The following STRAP variants were observed in gnomAD, a reference collection of about 807,000 sequenced individuals.
STRAP encodes serine/threonine kinase receptor associated protein.
A neutral mutation model predicts 47.0 loss-of-function variants in STRAP; 16 were observed. That is an observed-to-expected ratio of 0.34 (90% CI 0.23 to 0.52). The LOEUF (loss-of-function observed/expected upper bound fraction) is 0.52, where lower values mean the gene tolerates loss of function less well. Ranked by LOEUF, STRAP falls within the 20% of genes least tolerant of loss-of-function variation. The pLI, the probability that STRAP is intolerant of heterozygous loss-of-function variation, is 0.96. For synonymous variants in STRAP, 130 were observed against 142.7 expected, an observed-to-expected ratio of 0.91 and a Z score of 0.63; for missense variants, 293 against 420.0, an observed-to-expected ratio of 0.70 and a Z score of 2.64.
chr12:15,893,407 TAATA>T (rs1444436434), intron 4 of STRAP, among the ~76,000 whole-genome samples: 3 of 147,676 alleles, frequency 2.0e-5, no homozygotes, highest in Non-Finnish European at 4.5e-5. Context: ...ATTAATAATA[TAATA>T]AATACTTTTT....
intron 8 of STRAP, among the ~76,000 whole-genome samples, 200 bp from the exon 9 acceptor site, chr12:15,900,747 G>T (rs1408570955): frequency 6.6e-6 from 1 of 152,136 alleles, no homozygotes; most frequent in Admixed American, 6.5e-5. Context: ...TCCCTAAGTA[G>T]TTGCAGTATG....
In STRAP at chr12:15,890,736, T is replaced by G; in HGVS notation, c.403+67T>G. ...TTAATTTAAATAACTGATTAAAGAATTTCATGCTCAGTACTCAAATTTGGA... is the reference window on the plus strand; with the variant it reads ...TTAATTTAAATAACTGATTAAAGAAGTTCATGCTCAGTACTCAAATTTGGA... On this transcript the variant is annotated intron_variant, in intron 4 of 9. Coordinates refer to ENST00000419869, the MANE Select transcript of STRAP (RefSeq NM_007178.4). This position sits in a 1 kb window ranked among gnomAD's most constrained non-coding sequence, Gnocchi z 4.5. 1 of 1,380,348 alleles carries G rather than the reference T, an allele frequency of 7.2e-7. No individual in the cohort carries two copies. Among genetic ancestry groups the G allele is most frequent in the South Asian group, 1.3e-5 (1 of 79,350 alleles). The allele number at this position is 1,380,348 out of a possible 1,614,324, so 85.5% of individuals were successfully genotyped here.
intron 1 of STRAP, 102 bp from the exon 2 acceptor site, chr12:15,883,439 T>G: frequency 7.4e-7 from 1 of 1,342,646 alleles, no homozygotes; most frequent in Non-Finnish European, 1.0e-6. Flanking sequence ...CTGAAACAAT[T>G]TTTCCACTTT....
intron 4 of STRAP, among the ~76,000 whole-genome samples, 157 bp from the exon 5 acceptor site, chr12:15,893,888 CTG>C (rs1400738826): frequency 4.0e-5 from 6 of 151,884 alleles, no homozygotes; most frequent in East Asian, 1.9e-4. Flanking sequence ...GAAAAACTAA[CTG>C]TATTCTATAT....
rs1057131321 is a variant in STRAP, at chr12:15,890,139, A to T, written c.330+130A>T. The T allele has an allele frequency of 2.6e-5, 23 of 878,556 alleles. No individual in the cohort carries two copies. Among genetic ancestry groups the T allele is most frequent in the Non-Finnish European group, 3.9e-5 (22 of 559,862 alleles). 54.4% of individuals were successfully genotyped at this position (878,556 alleles called of 1,614,324 possible). A position where few individuals can be genotyped will look rare whatever the true frequency, so the allele number is the denominator to read the frequency against. ...TGGAATATTTGTTATTTCTTGGTTC[A>T]TATTTGATTTGATTGTGTATTAAGC... On this transcript the variant is annotated intron_variant, in intron 3 of 9. Transcript: ENST00000419869. This position sits in a 1 kb window ranked among gnomAD's most constrained non-coding sequence, Gnocchi z 4.5.
intron 2 of STRAP, among the ~76,000 whole-genome samples, chr12:15,884,368 A>G (rs1947950834): frequency 6.6e-6 from 1 of 152,130 alleles, no homozygotes. Context: ...ATACTTGATC[A>G]TGTCACTTCT....
intron 9 of STRAP, among the ~76,000 whole-genome samples, chr12:15,901,860 C>CAAA (rs71042273): frequency 2.8e-4 from 25 of 87,744 alleles, no homozygotes; most frequent in African/African-American, 9.5e-4. Context: ...GACTCTGTCT[C>CAAA]AAAAAAAAAA....
intron 2 of STRAP, among the ~76,000 whole-genome samples, chr12:15,889,407 C>T (rs543357485): frequency 1.3e-5 from 2 of 152,144 alleles, no homozygotes; most frequent in East Asian, 1.9e-4. Flanking sequence ...GACATTGTCT[C>T]TCCACTATCT....
rs150428594 is a variant in STRAP at position 15,896,673 on chromosome 12, A to T, written c.638+1177A>T. On this transcript the variant is annotated intron_variant, in intron 6 of 9. Transcript: ENST00000419869. The surrounding 1 kb of genome is among the most constrained non-coding windows in gnomAD (Gnocchi z 4.1). ...GTATTTGCATCATAGGTTGTACTAA[A>T]TTATGGGTTAGTTTCCCTGTTTTAG... Among the ~76,000 whole-genome samples, 17 of 152,332 alleles carry T rather than the reference A, an allele frequency of 1.1e-4. 1 individual carries two copies. In the East Asian group the frequency reaches 3.1e-3, roughly 28 times the overall value.
rs112429890 is a variant in STRAP at position 15,897,796 on chromosome 12, G to A, written c.639-86G>A. The A allele has an allele frequency of 4.6e-5, 44 of 966,706 alleles. 2 individuals carry two copies. Among genetic ancestry groups the A allele is most frequent in the African/African-American group, 4.3e-4 (25 of 58,376 alleles). The allele number at this position is 966,706 out of a possible 1,614,324, so 59.9% of individuals were successfully genotyped here. On this transcript the variant is annotated intron_variant, in intron 6 of 9. Transcript: ENST00000419869. ...AAATGAGTATTTAATTGTTCCTTGG[G>A]TTTCAGAATTTAAGAACAGTTCAAA... is the stretch of plus-strand genomic sequence containing the variant.
intron 1 of STRAP, among the ~76,000 whole-genome samples, chr12:15,883,298 T>C (rs921136613): frequency 1.1e-4 from 17 of 152,212 alleles, no homozygotes; most frequent in African/African-American, 4.1e-4. Context: ...AAAATCTAGA[T>C]TGTTTTGACG....
rs1258750768 is a variant in STRAP, at chr12:15,890,921, A to T, written c.403+252A>T. ...TTAAAAATAGAAAAATTAGCCAGGC[A>T]TGGTGGCAGGCGCTTGTAATCCCAG... On this transcript the variant is annotated intron_variant, in intron 4 of 9. Transcript: ENST00000419869. The surrounding 1 kb of genome is among the most constrained non-coding windows in gnomAD (Gnocchi z 4.5). Among the ~76,000 whole-genome samples the T allele has an allele frequency of 1.3e-5, 2 of 152,092 alleles. No homozygotes were observed. The highest frequency in any genetic ancestry group is 2.9e-5 in the Non-Finnish European group (2 of 68,014).
At chr12:15,883,401 C>T (rs910855077) in intron 1 of STRAP, 140 bp from the exon 2 acceptor site, 7 of 921,324 alleles carry the variant, frequency 7.6e-6, no homozygotes, top group Non-Finnish European at 1.1e-5. Context: ...TTCCTTAGTG[C>T]CTTCAGTGGG....
chr12:15,902,142 T>C (rs1278329877), intron 9 of STRAP, among the ~76,000 whole-genome samples: 3 of 151,894 alleles, frequency 2.0e-5, no homozygotes, highest in African/African-American at 7.3e-5. Context: ...CCTGGCTAAT[T>C]TTTGTATTTT....
intron 4 of STRAP, 64 bp from the exon 5 acceptor site, chr12:15,893,983 C>A: frequency 1.6e-6 from 2 of 1,222,386 alleles, no homozygotes; most frequent in South Asian, 2.6e-5. Flanking sequence ...TATAATTGTT[C>A]CGATATTGTT....
rs116355896 is a variant in STRAP at position 15,900,182 on chromosome 12, G to A, written c.925+129G>A. 2,207 of 1,019,064 alleles carry A rather than the reference G, an allele frequency of 2.2e-3. 42 individuals are homozygous for A. In the African/African-American group the frequency reaches 0.033, roughly 15 times the overall value. 63.1% of individuals were successfully genotyped at this position (1,019,064 alleles called of 1,614,324 possible). On this transcript the variant is annotated intron_variant, in intron 8 of 9. Transcript: ENST00000419869. ...AATTATATATTATGGTTTAAGCAGC[G>A]AGAAGCCCAGGATTATAAATTGGCC...
intron 2 of STRAP, among the ~76,000 whole-genome samples, chr12:15,885,200 TTTTTTA>T: frequency 6.7e-6 from 1 of 148,686 alleles, no homozygotes; most frequent in African/African-American, 2.5e-5. Context: ...TTTTTTTTTT[TTTTTTA>T]AAGACAGAGT....
At chr12:15,888,880 A>G (rs1376394918) in intron 2 of STRAP, among the ~76,000 whole-genome samples, 1 of 152,114 alleles carries the variant, frequency 6.6e-6, no homozygotes, top group African/African-American at 2.4e-5. Flanking sequence ...AATGATATAT[A>G]TTTAATATAT....
intron 7 of STRAP, among the ~76,000 whole-genome samples, chr12:15,899,207 C>A (rs1434463032): frequency 6.6e-6 from 1 of 152,152 alleles, no homozygotes; most frequent in African/African-American, 2.4e-5. Flanking sequence ...CTTTTCTATT[C>A]TCTGGTGGGA....
Sources: allele counts gnomAD v4.1 joint callset (sites outside exome capture counted in the v4.1 genomes callset), GRCh38; gene constraint gnomAD v4.1.1; non-coding constraint Gnocchi (gnomAD v3.1); transcripts MANE v1.5; gene names NCBI Gene and HGNC (gene_info 2026-07-23, HGNC 2026-07-21).